The following G2E3 variants were observed in gnomAD, a reference collection of about 807,000 sequenced individuals.
The protein encoded by G2E3 is G2/M-phase specific E3 ubiquitin protein ligase, also known as G2/M phase-specific E3 ubiquitin-protein ligase.
A neutral mutation model predicts 92.8 loss-of-function variants in G2E3; 35 were observed. The observed-to-expected ratio is 0.38, with a 90% confidence interval of 0.29 to 0.50. The LOEUF is 0.50. Ranked by LOEUF, G2E3 falls within the 20% of genes least tolerant of loss-of-function variation. G2E3 has a pLI of 0.94. For missense variants in G2E3, 554 were observed against 823.8 expected (o/e 0.67, Z 4.01); for synonymous variants, 242 against 272.4 (o/e 0.89, Z 1.10).
intron 3 of G2E3, among the ~76,000 whole-genome samples, chr14:30,589,155 T>G (rs1439324894): frequency 6.6e-6 from 1 of 152,110 alleles, no homozygotes; most frequent in Non-Finnish European, 1.5e-5. Flanking sequence ...TGGAATACTT[T>G]TAGAAACTAA....
intron 5 of G2E3, among the ~76,000 whole-genome samples, chr14:30,593,212 A>G (rs1462392406): frequency 6.6e-6 from 1 of 152,160 alleles, no homozygotes; most frequent in Non-Finnish European, 1.5e-5. Flanking sequence ...ACAATATTAC[A>G]CAGGATTCTC....
intron 6 of G2E3, among the ~76,000 whole-genome samples, chr14:30,595,438 G>T (rs978023616): frequency 6.6e-6 from 1 of 152,076 alleles, no homozygotes; most frequent in African/African-American, 2.4e-5. Context: ...GCAAAGAAAG[G>T]TTCTCATACT....
chr14:30,614,564 TC>T (rs1217334891), intron 13 of G2E3, among the ~76,000 whole-genome samples: 1 of 152,188 alleles, frequency 6.6e-6, no homozygotes, highest in Non-Finnish European at 1.5e-5. Flanking sequence ...GGACCCTATC[TC>T]CCATTGCTGT....
In G2E3 at chr14:30,605,643, C is replaced by T. The variant is rs900429638; in HGVS notation, c.1149C>T (p.Asn383=). 1 of 1,608,612 alleles carries T rather than the reference C, an allele frequency of 6.2e-7. No individual in the cohort carries two copies. Residue 383 remains asparagine (N), a synonymous_variant, in exon 11 of 15, where the codon AAC becomes AAT. Transcript: ENST00000206595. The part of the protein sequence containing the change: ...NSALDAFRNR[N]FNPSYAIEVA... Reference sequence around the variant, plus strand: ...CCTTAGATGCATTCAGAAATCGAAACTTTAATCCTTCATATGCAATTGAAG... The same window carrying T: ...CCTTAGATGCATTCAGAAATCGAAATTTTAATCCTTCATATGCAATTGAAG...
chr14:30,616,084 T>C (rs1452860726), intron 14 of G2E3, among the ~76,000 whole-genome samples, 194 bp from the exon 15 acceptor site: 2 of 152,182 alleles, frequency 1.3e-5, no homozygotes, highest in African/African-American at 4.8e-5. Context: ...TTAGTCCTTC[T>C]ACTTTGAGAT....
At position 30,619,468 on chromosome 14, in the gene G2E3, ATTG is replaced by A. The variant is rs1882465061; in HGVS notation, c.*2937_*2939del. ...TTATATAGTGATTATCATGTACTGC[ATTG>A]TTACTTTAAAATAAGCTATTAAACT... On this transcript the variant is annotated 3_prime_UTR_variant, in exon 15 of 15. Coordinates refer to ENST00000206595, the MANE Select transcript of G2E3 (RefSeq NM_017769.5). 1 of 152,158 alleles carries A rather than the reference ATTG, an allele frequency of 6.6e-6. No homozygotes were observed. The highest frequency in any genetic ancestry group is 6.5e-5 in the Admixed American group (1 of 15,276). 9.4% of individuals were successfully genotyped at this position (152,158 alleles called of 1,614,324 possible).
intron 3 of G2E3, among the ~76,000 whole-genome samples, chr14:30,587,546 G>T (rs60362029): frequency 0.017 from 2,556 of 152,272 alleles, 92 homozygotes; most frequent in African/African-American, 0.058. Context: ...CAGGAATTTG[G>T]CTGAGCTGGA....
chr14:30,587,500 A>G (rs1880776139), intron 3 of G2E3, among the ~76,000 whole-genome samples: 1 of 152,202 alleles, frequency 6.6e-6, no homozygotes, highest in Non-Finnish European at 1.5e-5. Context: ...AATTTAGCAG[A>G]TAAAACGTTT....
Position 30,564,600 on chromosome 14 carries a change from C to T in G2E3, c.-5+5328C>T, listed in dbSNP as rs1426338292. ...CCTTCCACCTCAGCCTCCCAAAGTG[C>T]TGGAATTACAGGTGTGAGCCACCAT... On this transcript the variant is annotated intron_variant, in intron 1 of 14. Coordinates refer to ENST00000206595, the MANE Select transcript of G2E3 (RefSeq NM_017769.5). Among the ~76,000 whole-genome samples, 7 of 152,156 alleles carry T rather than the reference C, an allele frequency of 4.6e-5. No homozygotes were observed. In the East Asian group the frequency reaches 1.3e-3, roughly 29 times the overall value.
intron 1 of G2E3, chr14:30,574,524 G>A (rs1428698725): frequency 1.3e-5 from 2 of 151,332 alleles, no homozygotes; most frequent in South Asian, 2.1e-4. Flanking sequence ...CATCACCCAG[G>A]TATTAAGCCC....
At position 30,616,360 on chromosome 14, in the gene G2E3, C is replaced by T. The variant is rs1279981079; in HGVS notation, c.1947C>T (p.Pro649=). 6.2e-7 allele frequency: 1 copy of T among 1,611,764 alleles called. No homozygotes were observed. Among genetic ancestry groups the T allele is most frequent in the Admixed American group, 1.7e-5 (1 of 59,948 alleles). Residue 649 remains proline, a synonymous_variant, in exon 15 of 15, where the codon CCC becomes CCT. Coordinates refer to ENST00000206595, the MANE Select transcript of G2E3 (RefSeq NM_017769.5). The part of the protein sequence containing the change: ...CSSIPPAGFK[P]TPSIECLHVD... ...CCATTCCTCCAGCTGGATTTAAACC[C>T]ACTCCTTCAATTGAGTGTCTGCATG...
At chr14:30,574,788 G>C (rs750382422) in intron 1 of G2E3, among the ~76,000 whole-genome samples, 1 of 152,098 alleles carries the variant, frequency 6.6e-6, no homozygotes, top group African/African-American at 2.4e-5. Context: ...ATATTTTATC[G>C]TGTATTTGTA....
At chr14:30,571,543 A>G (rs751130624) in intron 1 of G2E3, among the ~76,000 whole-genome samples, 1 of 151,970 alleles carries the variant, frequency 6.6e-6, no homozygotes, top group Non-Finnish European at 1.5e-5. Flanking sequence ...ATTCTTCACT[A>G]TGTTTTCTTC....
chr14:30,616,269 T>TA lies in G2E3; in HGVS notation c.1865-9_1865-8insA. The TA allele has an allele frequency of 6.3e-7, 1 of 1,584,640 alleles. No homozygotes were observed. The highest frequency in any genetic ancestry group is 2.2e-5 in the East Asian group (1 of 44,650). On this transcript the variant is annotated splice_polypyrimidine_tract_variant and intron_variant, in intron 14 of 14. Coordinates refer to ENST00000206595, the MANE Select transcript of G2E3 (RefSeq NM_017769.5). ...TTTCTTTTACTCTTTTATTGGTAAA[T>TA]TTTTTCAGATGGTAAATCTACAACA...
chr14:30,589,616 T>A (rs1566538449), intron 4 of G2E3, 132 bp downstream of exon 4: 3 of 575,620 alleles, frequency 5.2e-6, no homozygotes, highest in Non-Finnish European at 9.2e-6. Context: ...GTCATTTAAA[T>A]ATGGTAAGTT....
chr14:30,612,320 G>A lies in G2E3; in HGVS notation c.1614G>A (p.Met538Ile). The change falls in exon 13 of 15, where the codon ATG (methionine) becomes ATA (isoleucine). Residue 538 changes from methionine (M) to isoleucine (I), a missense_variant. Transcript: ENST00000206595. ...RLITTLSDKYMLVKDILGYHV... is the reference protein window; with the variant it reads ...RLITTLSDKYILVKDILGYHV... ...TAACGACATTAAGTGATAAATATAT[G>A]TTAGTAAAAGACATACTTGGCTACC... 1 of 1,607,124 alleles carries A rather than the reference G, an allele frequency of 6.2e-7. No individual in the cohort carries two copies. Among genetic ancestry groups the A allele is most frequent in the Non-Finnish European group, 8.5e-7 (1 of 1,174,542 alleles).
intron 7 of G2E3, 148 bp downstream of exon 7, chr14:30,597,674 A>C (rs889064886): frequency 8.3e-6 from 5 of 602,378 alleles, no homozygotes; most frequent in East Asian, 2.8e-5. Context: ...CCTCCCCCAC[A>C]TGGCCAGTTC....
At chr14:30,587,790 CAGAGAGAGAG>C (rs1229316619) in intron 3 of G2E3, among the ~76,000 whole-genome samples, 1 of 151,852 alleles carries the variant, frequency 6.6e-6, no homozygotes, top group Non-Finnish European at 1.5e-5. Context: ...ATGAGAGAGA[CAGAGAGAGAG>C]AAATCAAGAT....
chr14:30,598,715 TTGAGA>T, intron 8 of G2E3, 116 bp downstream of exon 8: 1 of 767,570 alleles, frequency 1.3e-6, no homozygotes, highest in Non-Finnish European at 2.3e-6. Context: ...GAAGTTTAAA[TTGAGA>T]TGAGGGATAT....
Sources: allele counts gnomAD v4.1 joint callset (sites outside exome capture counted in the v4.1 genomes callset), GRCh38; gene constraint gnomAD v4.1.1; transcripts MANE v1.5; gene names NCBI Gene and HGNC (gene_info 2026-07-23, HGNC 2026-07-21).